Variants in TRANK1 observed in about 807,000 individuals in gnomAD.
The protein encoded by TRANK1 is TPR and ankyrin repeat-containing protein 1.
A neutral mutation model predicts 266.0 loss-of-function variants in TRANK1; 198 were observed. The observed-to-expected ratio is 0.74, with a 90% CI of 0.66 to 0.84. The LOEUF (loss-of-function observed/expected upper bound fraction) is 0.84. TRANK1 is among the 40% of genes least tolerant of loss of function. The probability of loss-of-function intolerance (pLI) is 0.00; values close to 1 mark genes in which losing one functional copy is unlikely to be tolerated. For missense variants in TRANK1, 3,326 were observed against 3,634.6 expected (o/e 0.92, Z 2.18); for synonymous variants, 1,396 against 1,384.1 (o/e 1.01, Z -0.19).
chr3:36,892,874 T>C, intron 6 of TRANK1, 27 bp downstream of exon 6: 2 of 824,570 alleles, frequency 2.4e-6, no homozygotes, highest in African/African-American at 1.8e-5. Context: ...TATATATAGA[T>C]ATATATAGAT....
intron 20 of TRANK1, 41 bp from the exon 21 acceptor site, chr3:36,834,948 G>T (rs1355912286): frequency 2.0e-6 from 3 of 1,532,826 alleles, no homozygotes; most frequent in Non-Finnish European, 2.6e-6. Flanking sequence ...GAGTACTCAT[G>T]ATTAACTTTC....
Position 36,841,962 on chromosome 3 carries a change from A to G in TRANK1, c.5280+660T>C, listed in dbSNP as rs540750639. 6.2e-4 allele frequency among the ~76,000 whole-genome samples: 95 copies of G among 152,042 alleles called. 1 individual carries two copies. In the South Asian group the frequency reaches 0.019, roughly 31 times the overall value. ...AAAACTTGCAGGTGAAGTCATCACC[A>G]CTATTTCAAGGGAGACACACATCCC... On this transcript the variant is annotated intron_variant, in intron 18 of 23. Transcript: ENST00000645898.
chr3:36,916,201 A>G (rs2080121824), intron 1 of TRANK1, among the ~76,000 whole-genome samples: 1 of 152,246 alleles, frequency 6.6e-6, no homozygotes, highest in Non-Finnish European at 1.5e-5. Context: ...TTTGCAATAC[A>G]TAGCCACATG....
At chr3:36,913,299 C>T (rs574774805) in intron 1 of TRANK1, among the ~76,000 whole-genome samples, 1 of 152,194 alleles carries the variant, frequency 6.6e-6, no homozygotes, top group East Asian at 1.9e-4. Flanking sequence ...GATCCGGCCG[C>T]CTCGTGTCCC....
intron 8 of TRANK1, among the ~76,000 whole-genome samples, chr3:36,875,944 A>G (rs1340587873): frequency 6.6e-6 from 1 of 152,258 alleles, no homozygotes; most frequent in African/African-American, 2.4e-5. Flanking sequence ...ATACAAGTAA[A>G]GAAGTGAAAT....
intron 1 of TRANK1, among the ~76,000 whole-genome samples, chr3:36,921,908 G>T (rs530598471): frequency 2.0e-5 from 3 of 152,262 alleles, no homozygotes; most frequent in Admixed American, 2.0e-4. Context: ...TTAGAAGGCT[G>T]GGCTGGGAGG....
At chr3:36,892,161 G>A in intron 7 of TRANK1, 41 bp downstream of exon 7, 7 of 1,532,132 alleles carry the variant, frequency 4.6e-6, no homozygotes, top group Non-Finnish European at 5.2e-6. Context: ...AACTAGGCTA[G>A]AAGGGCAGCT....
intron 18 of TRANK1, among the ~76,000 whole-genome samples, chr3:36,841,902 CAA>C (rs11456731): frequency 2.8e-5 from 4 of 143,720 alleles, no homozygotes; most frequent in African/African-American, 2.6e-5. Flanking sequence ...TAGATTAAAG[CAA>C]AAAAAAAAAA....
At position 36,838,357 on chromosome 3, in the gene TRANK1, G is replaced by A. The variant is rs543713715; in HGVS notation, c.5517+15C>T. 4.6e-5 allele frequency: 74 copies of A among 1,613,546 alleles called. No homozygotes were observed. The South Asian group carries it at 7.8e-4, about 17-fold the overall frequency. ...CCCAGTTTTCCCTGGAGCAGCAGCG[G>A]ACTAGGAGCCATACCTTTCCCAGCC... On this transcript the variant is annotated intron_variant, in intron 20 of 23. Transcript: ENST00000645898.
At chr3:36,929,600 A>C (rs1296278782) in intron 1 of TRANK1, among the ~76,000 whole-genome samples, 2 of 152,228 alleles carry the variant, frequency 1.3e-5, no homozygotes, top group African/African-American at 4.8e-5. Context: ...CTCACTAAAC[A>C]TCTGGAAAAT....
At chr3:36,899,673 A>G (rs1386100400) in intron 3 of TRANK1, among the ~76,000 whole-genome samples, 1 of 152,196 alleles carries the variant, frequency 6.6e-6, no homozygotes, top group Non-Finnish European at 1.5e-5. Context: ...CTATGTAAAC[A>G]TGGATTTCTA....
rs1046301903 is a variant in TRANK1, at chr3:36,856,390, T to C, written c.3332A>G (p.Lys1111Arg). 4.4e-6 allele frequency: 7 copies of C among 1,601,714 alleles called. No individual in the cohort carries two copies. The highest frequency in any genetic ancestry group is 2.3e-5 in the East Asian group (1 of 44,376). Reference sequence around the variant, plus strand: ...CAACCTTCTCTTCAGCCAGACCTGTTTGGCCAGCAATGGGCTTCCTGCCTG... The same window carrying C: ...CAACCTTCTCTTCAGCCAGACCTGTCTGGCCAGCAATGGGCTTCCTGCCTG... ...AEQAGSPLLA[K>R]QVWLKRRLEV... Residue 1111 changes from lysine (K) to arginine (R), a missense_variant, in exon 13 of 24, where the codon AAA becomes AGA. Coordinates refer to ENST00000645898, the MANE Select transcript of TRANK1 (RefSeq NM_001329998.2).
chr3:36,861,186 T>C (rs773898439), intron 10 of TRANK1, 26 bp from the exon 11 acceptor site: 9 of 1,527,116 alleles, frequency 5.9e-6, no homozygotes, highest in Non-Finnish European at 2.6e-6. Context: ...GTAAGACACA[T>C]TCCAAAAATG....
intron 1 of TRANK1, among the ~76,000 whole-genome samples, chr3:36,919,621 C>G (rs1003304537): frequency 1.3e-5 from 2 of 152,184 alleles, no homozygotes; most frequent in African/African-American, 2.4e-5. Context: ...ATTTGTCTGC[C>G]TTTCTTCCCA....
rs148515760 is a variant in TRANK1 at position 36,907,059 on chromosome 3, A to G, written c.155+1264T>C. On this transcript the variant is annotated intron_variant, in intron 2 of 23. Transcript: ENST00000645898. ...AAGCCAGCTGTCTTCTGTGGAGACA[A>G]GACATTAAGAAGGAGATTTACAAAA... Among the ~76,000 whole-genome samples the G allele has an allele frequency of 9.4e-3, 1,431 of 152,336 alleles. 29 individuals carry two copies. The highest frequency in any genetic ancestry group is 0.033 in the African/African-American group (1,368 of 41,566).
chr3:36,886,366 C>T (rs906070761), intron 8 of TRANK1, among the ~76,000 whole-genome samples: 3 of 151,810 alleles, frequency 2.0e-5, no homozygotes, highest in Admixed American at 1.3e-4. Context: ...ACCTTAGCCT[C>T]CCCCAAAGTG....
chr3:36,903,548 C>T (rs1023791925), intron 2 of TRANK1, among the ~76,000 whole-genome samples: 10 of 152,264 alleles, frequency 6.6e-5, no homozygotes, highest in Admixed American at 2.6e-4. Context: ...CTGATCTCCA[C>T]GCATAATCAT....
chr3:36,942,255 T>A (rs920473442), intron 1 of TRANK1, among the ~76,000 whole-genome samples: 2 of 152,146 alleles, frequency 1.3e-5, no homozygotes, highest in African/African-American at 4.8e-5. Context: ...AGCCATGGAC[T>A]GGGAAGTCAA....
chr3:36,829,875 T>C (rs1197050969), intron 22 of TRANK1, among the ~76,000 whole-genome samples: 1 of 152,218 alleles, frequency 6.6e-6, no homozygotes, highest in Non-Finnish European at 1.5e-5. Context: ...TTACTGTCTG[T>C]CTATAGAGAC....
Sources: gnomAD v4.1 joint callset for allele counts (sites outside exome capture counted in the v4.1 genomes callset) on GRCh38, gnomAD v4.1.1 for gene constraint, MANE v1.5 for transcripts, NCBI Gene and HGNC (gene_info 2026-07-23, HGNC 2026-07-21) for gene names.